The following CFAP47 variants were observed in gnomAD, a reference collection of about 807,000 sequenced individuals.
CFAP47 encodes cilia and flagella associated protein 47, also known as cilia- and flagella-associated protein 47.
A neutral mutation model predicts 148.1 loss-of-function variants in CFAP47; 29 were observed. That is an observed-to-expected ratio of 0.20 (90% CI 0.15 to 0.27). The LOEUF (loss-of-function observed/expected upper bound fraction) is 0.27, where lower values mean the gene tolerates loss of function less well. CFAP47 is among the 10% of genes least tolerant of loss of function. CFAP47 has a pLI of 1.00. For synonymous variants in CFAP47, 664 were observed against 577.3 expected (o/e 1.15, Z -2.15); for missense variants, 1,872 against 1,697.5 (o/e 1.10, Z -1.81).
chrX:36,175,863 G>A (rs1166425859), intron 39 of CFAP47, among the ~76,000 whole-genome samples: 1 of 113,538 alleles, frequency 8.8e-6, no homozygotes, highest in Non-Finnish European at 1.9e-5. Context: ...GTTTACCTAA[G>A]CAAGCCTGGG....
At chrX:35,943,285 G>C (rs1197741900) in intron 3 of CFAP47, among the ~76,000 whole-genome samples, 3 of 111,758 alleles carry the variant, frequency 2.7e-5, no homozygotes, top group African/African-American at 9.7e-5. Context: ...TAGGTTTAGA[G>C]TCAAAGTTCA....
At chrX:36,157,246 C>T (rs749279637) in intron 37 of CFAP47, among the ~76,000 whole-genome samples, 2 of 112,264 alleles carry the variant, frequency 1.8e-5, no homozygotes, top group African/African-American at 6.5e-5. Flanking sequence ...TAAAAAGGTG[C>T]TTAAAATATT....
intron 49 of CFAP47, among the ~76,000 whole-genome samples, chrX:36,261,145 T>C (rs1940813415): frequency 9.9e-6 from 1 of 101,384 alleles, no homozygotes; most frequent in Non-Finnish European, 1.9e-5. Flanking sequence ...TTTTTTTCCT[T>C]TTGCAAGTAA....
At position 36,182,793 on chromosome X, in the gene CFAP47, T is replaced by A. The variant is rs781484886; in HGVS notation, c.6104+3371T>A. On this transcript the variant is annotated intron_variant, in intron 40 of 63. Coordinates refer to ENST00000378653, the MANE Select transcript of CFAP47 (RefSeq NM_001304548.2). ...AACTCCATAAATAAACTGGATTTTT[T>A]AAAGAGGTTTTCTCAAATGTTCCTG... 3.5e-4 allele frequency among the ~76,000 whole-genome samples: 39 copies of A among 110,397 alleles called. No individual in the cohort carries two copies. The South Asian group carries it at 8.8e-3, about 25-fold the overall frequency.
intron 57 of CFAP47, among the ~76,000 whole-genome samples, chrX:36,329,659 TTTTTG>T (rs1306364992): frequency 8.9e-5 from 10 of 112,292 alleles, no homozygotes; most frequent in Non-Finnish European, 1.5e-4. Context: ...TCAGACATCA[TTTTTG>T]TTTTGTTTTG....
chrX:35,924,391 G>GTA lies in CFAP47; in HGVS notation c.250-1620_250-1619dup, dbSNP rs747749797. 2.5e-3 allele frequency among the ~76,000 whole-genome samples: 249 copies of GTA among 100,453 alleles called. 18 individuals are homozygous for GTA. Among genetic ancestry groups the GTA allele is most frequent in the African/African-American group, 0.01 (240 of 23,210 alleles). 87.2% of individuals were successfully genotyped at this position (100,453 alleles called of 115,157 possible). A position where few individuals can be genotyped will look rare whatever the true frequency, so the allele number is the denominator to read the frequency against. On this transcript the variant is annotated intron_variant, in intron 1 of 63. Coordinates refer to ENST00000378653, the MANE Select transcript of CFAP47 (RefSeq NM_001304548.2). The stretch of plus-strand genomic sequence containing the variant: ...TATGTGCATATATGCACACATATGT[G>GTA]TATATATGCACACACATATGTGTAT...
At position 36,367,189 on chromosome X, in the gene CFAP47, T is replaced by C. The variant is rs189854896; in HGVS notation, c.9185+62T>C. 8 of 821,079 alleles carry C rather than the reference T, an allele frequency of 9.7e-6. No homozygotes were observed. The East Asian group carries it at 2.9e-4, about 30-fold the overall frequency. The allele number at this position is 821,079 out of a possible 1,213,427, so 67.7% of individuals were successfully genotyped here. A position where few individuals can be genotyped will look rare whatever the true frequency, so the allele number is the denominator to read the frequency against. On this transcript the variant is annotated intron_variant, in intron 62 of 63. Transcript: ENST00000378653. ...GAATATGCTGAACTTTGGAATGAAA[T>C]TTAAGATGGAAAATTCTATAGTTCA...
At chrX:36,163,152 G>A (rs1445841921) in intron 39 of CFAP47, among the ~76,000 whole-genome samples, 1 of 111,991 alleles carries the variant, frequency 8.9e-6, no homozygotes, top group Middle Eastern at 4.2e-3. Flanking sequence ...AGAAATTTCT[G>A]CATTTCTTCT....
intron 33 of CFAP47, among the ~76,000 whole-genome samples, chrX:36,123,058 G>T (rs1938773014): frequency 8.9e-6 from 1 of 112,154 alleles, no homozygotes; most frequent in Admixed American, 9.5e-5. Flanking sequence ...ACTCATAGAG[G>T]TATTGCCTTG....
chrX:35,984,510 T>C (rs1202996109), intron 15 of CFAP47, among the ~76,000 whole-genome samples: 1 of 111,429 alleles, frequency 9.0e-6, no homozygotes, highest in Non-Finnish European at 1.9e-5. Context: ...TGGGGTTGGT[T>C]TGCTGTTTTT....
At chrX:36,240,420 A>G (rs868910396) in intron 48 of CFAP47, among the ~76,000 whole-genome samples, 1 of 92,933 alleles carries the variant, frequency 1.1e-5, no homozygotes, top group Middle Eastern at 5.4e-3. Flanking sequence ...TTCAATAAAT[A>G]TATCATATAA....
intron 46 of CFAP47, among the ~76,000 whole-genome samples, chrX:36,231,220 G>A (rs1940352248): frequency 9.0e-6 from 1 of 110,651 alleles, no homozygotes; most frequent in South Asian, 3.9e-4. Context: ...CCATTTTCAT[G>A]ATATTGATTC....
chrX:35,930,746 T>A (rs768745399), intron 2 of CFAP47, among the ~76,000 whole-genome samples: 1 of 112,090 alleles, frequency 8.9e-6, no homozygotes, highest in Non-Finnish European at 1.9e-5. Context: ...AAATTTTTTC[T>A]GATTATTTTT....
chrX:36,282,557 A>G (rs1255809205), intron 50 of CFAP47, among the ~76,000 whole-genome samples: 2 of 111,531 alleles, frequency 1.8e-5, no homozygotes, highest in African/African-American at 6.5e-5. Context: ...ACTCTCAGAC[A>G]GAATTAACTT....
intron 57 of CFAP47, among the ~76,000 whole-genome samples, chrX:36,336,236 G>A (rs1380102009): frequency 9.6e-5 from 3 of 31,238 alleles, no homozygotes; most frequent in Non-Finnish European, 1.9e-4. Flanking sequence ...CTCTGTCACA[G>A]ACACACAGAC....
At chrX:35,967,464 C>CT (rs1242139726) in intron 9 of CFAP47, among the ~76,000 whole-genome samples, 155 bp from the exon 10 acceptor site, 2 of 109,948 alleles carry the variant, frequency 1.8e-5, no homozygotes, top group Admixed American at 9.8e-5. Flanking sequence ...TTGTGTAGGT[C>CT]TTTTTTATTA....
chrX:36,140,281 C>G (rs1369659662), intron 35 of CFAP47, among the ~76,000 whole-genome samples: 1 of 111,386 alleles, frequency 9.0e-6, no homozygotes, highest in Non-Finnish European at 1.9e-5. Flanking sequence ...GGAAAATTTG[C>G]ACAGAACACT....
intron 45 of CFAP47, among the ~76,000 whole-genome samples, chrX:36,222,287 C>T (rs1464145181): frequency 1.8e-5 from 2 of 110,847 alleles, no homozygotes; most frequent in African/African-American, 6.5e-5. Context: ...ATTCCTACTT[C>T]CCCTCTCCTT....
Position 36,144,547 on chromosome X carries a change from C to A in CFAP47, c.5536-672C>A, listed in dbSNP as rs5973599. The A allele has an allele frequency of 0.035, 35,593 of 1,002,930 alleles. 2,074 individuals are homozygous for A. Among genetic ancestry groups the A allele is most frequent in the African/African-American group, 0.34 (15,567 of 46,100 alleles). The allele number at this position is 1,002,930 out of a possible 1,213,427, so 82.7% of individuals were successfully genotyped here. A position where few individuals can be genotyped will look rare whatever the true frequency, so the allele number is the denominator to read the frequency against. On this transcript the variant is annotated intron_variant, in intron 35 of 63. Transcript: ENST00000378653. ...TGAAGGATGCCAAGATGACTGGCAA[C>A]GTTTTGTTTCTAGGTGTGTCTGAGG...
Sources: allele counts gnomAD v4.1 joint callset (sites outside exome capture counted in the v4.1 genomes callset), GRCh38; gene constraint gnomAD v4.1.1; transcripts MANE v1.5; gene names NCBI Gene and HGNC (gene_info 2026-07-23, HGNC 2026-07-21).